The following ATP6V0A4 variants were observed in gnomAD, a reference collection of about 807,000 sequenced individuals.
The protein encoded by ATP6V0A4 is ATPase H+ transporting V0 subunit a4, also known as V-type proton ATPase 116 kDa subunit a 4.
A neutral mutation model predicts 107.3 loss-of-function variants in ATP6V0A4; 86 were observed. The observed-to-expected ratio is 0.80, with a 90% CI of 0.67 to 0.96. The LOEUF (loss-of-function observed/expected upper bound fraction) is 0.96, where lower values mean the gene tolerates loss of function less well. Among genes scored for constraint, ATP6V0A4 ranks in the 40% least tolerant of loss-of-function variants. The probability of loss-of-function intolerance (pLI) is 0.00; values close to 1 mark genes in which losing one functional copy is unlikely to be tolerated. For synonymous variants in ATP6V0A4, 353 were observed against 381.4 expected (o/e 0.93, Z 0.87); for missense variants, 908 against 1,045.6 (o/e 0.87, Z 1.81).
chr7:138,729,006 A>G lies in ATP6V0A4; in HGVS notation c.1909-144T>C. 2.0e-6 allele frequency: 3 copies of G among 1,512,038 alleles called. No homozygotes were observed. In the South Asian group the frequency reaches 3.6e-5, roughly 18 times the overall value. 93.7% of individuals were successfully genotyped at this position (1,512,038 alleles called of 1,614,324 possible). ...CATTTCAATGAATCCATTCACCTTCACGCCTGGAATATTCCCCTTGCAGAT... is the reference window on the plus strand; with the variant it reads ...CATTTCAATGAATCCATTCACCTTCGCGCCTGGAATATTCCCCTTGCAGAT... On this transcript the variant is annotated intron_variant, in intron 17 of 21. Transcript: ENST00000310018.
chr7:138,798,016 A>G lies in ATP6V0A4; in HGVS notation c.-121+18T>C. 1.9e-6 allele frequency: 3 copies of G among 1,550,280 alleles called. No homozygotes were observed. Among genetic ancestry groups the G allele is most frequent in the African/African-American group, 1.4e-5 (1 of 73,152 alleles). On this transcript the variant is annotated intron_variant, in intron 1 of 21. Transcript: ENST00000310018. ...GGCAGAGTTGCTTTCCAGCTCCTGC[A>G]GGTGGGAGTCGACTCACCTGCAGCA...
At chr7:138,707,268 T>A (rs866959582) in intron 21 of ATP6V0A4, among the ~76,000 whole-genome samples, 962 of 87,672 alleles carry the variant, frequency 0.011, 11 homozygotes, top group African/African-American at 0.03. Context: ...TATATTATAT[T>A]ATATATTCTA....
At chr7:138,775,991 A>G (rs1293179445) in intron 2 of ATP6V0A4, among the ~76,000 whole-genome samples, 1 of 151,910 alleles carries the variant, frequency 6.6e-6, no homozygotes, top group Non-Finnish European at 1.5e-5. Context: ...AAATATGACA[A>G]CATAAAGACA....
intron 13 of ATP6V0A4, 69 bp downstream of exon 13, chr7:138,747,356 G>T: frequency 6.5e-7 from 1 of 1,542,204 alleles, no homozygotes; most frequent in South Asian, 1.1e-5. Flanking sequence ...TTATTTCTAT[G>T]GTGAAAACCA....
chr7:138,785,884 C>T (rs1808156920), intron 2 of ATP6V0A4, among the ~76,000 whole-genome samples: 1 of 152,202 alleles, frequency 6.6e-6, no homozygotes, highest in South Asian at 2.1e-4. Context: ...CACATTTCCA[C>T]TTCCTCCTGG....
Position 138,706,837 on chromosome 7 carries a change from G to A in ATP6V0A4, c.2430-120C>T. ...CGTAAAATCAAGCACAAAGTCAGAA[G>A]GGTTGGCCACGGCAGGCACCCAGGC... On this transcript the variant is annotated intron_variant, in intron 21 of 21. Coordinates refer to ENST00000310018, the MANE Select transcript of ATP6V0A4 (RefSeq NM_020632.3). 2.0e-6 allele frequency: 3 copies of A among 1,522,502 alleles called. No homozygotes were observed. The Admixed American group carries it at 5.8e-5, about 29-fold the overall frequency. The allele number at this position is 1,522,502 out of a possible 1,614,324, so 94.3% of individuals were successfully genotyped here. A position where few individuals can be genotyped will look rare whatever the true frequency, so the allele number is the denominator to read the frequency against.
In ATP6V0A4 at chr7:138,797,869, T is replaced by C. The variant is rs971318001; in HGVS notation, c.-121+165A>G. ...GAGAAGGGCACAGCTTGCCCCTCCCTTCCTTCCTCAGCCAACGGTTTGGCT... is the reference window on the plus strand; with the variant it reads ...GAGAAGGGCACAGCTTGCCCCTCCCCTCCTTCCTCAGCCAACGGTTTGGCT... On this transcript the variant is annotated intron_variant, in intron 1 of 21. Transcript: ENST00000310018. 4.0e-5 allele frequency: 38 copies of C among 954,784 alleles called. No individual in the cohort carries two copies. The African/African-American group carries it at 5.7e-4, about 14-fold the overall frequency. The allele number at this position is 954,784 out of a possible 1,614,324, so 59.1% of individuals were successfully genotyped here.
At chr7:138,782,157 A>G (rs1807956253) in intron 2 of ATP6V0A4, among the ~76,000 whole-genome samples, 1 of 152,186 alleles carries the variant, frequency 6.6e-6, no homozygotes, top group Admixed American at 6.5e-5. Flanking sequence ...GAAGTCTGAA[A>G]TCAAGATGCC....
intron 8 of ATP6V0A4, 43 bp downstream of exon 8, chr7:138,759,709 A>T: frequency 6.2e-7 from 1 of 1,605,048 alleles, no homozygotes; most frequent in South Asian, 1.1e-5. Flanking sequence ...GCTGAGGGCT[A>T]TGGGAAGTCT....
chr7:138,771,716 C>T (rs369319473), intron 2 of ATP6V0A4, among the ~76,000 whole-genome samples: 6 of 152,270 alleles, frequency 3.9e-5, no homozygotes, highest in African/African-American at 1.4e-4. Context: ...ACCTCCTGGG[C>T]TCAAGAGATC....
chr7:138,798,181 C>T lies in ATP6V0A4; in HGVS notation c.-268G>A, dbSNP rs759335247. 40 of 1,590,112 alleles carry T rather than the reference C, an allele frequency of 2.5e-5. No individual in the cohort carries two copies. The highest frequency in any genetic ancestry group is 2.0e-4 in the Admixed American group (11 of 55,608). ...TTTGCCTCCCTCCACTCGGCTTGCTCGGCAGGTAGCGTTATGAGCTTTATT... is the reference window on the plus strand; with the variant it reads ...TTTGCCTCCCTCCACTCGGCTTGCTTGGCAGGTAGCGTTATGAGCTTTATT... On this transcript the variant is annotated 5_prime_UTR_variant, in exon 1 of 22. Coordinates refer to ENST00000310018, the MANE Select transcript of ATP6V0A4 (RefSeq NM_020632.3).
chr7:138,746,361 C>G (rs1446707417), intron 13 of ATP6V0A4, among the ~76,000 whole-genome samples: 1 of 152,050 alleles, frequency 6.6e-6, no homozygotes, highest in East Asian at 1.9e-4. Context: ...ACGTGTAACT[C>G]TGAAACTCAA....
chr7:138,750,483 G>A (rs1216875575), intron 11 of ATP6V0A4, among the ~76,000 whole-genome samples: 2 of 152,142 alleles, frequency 1.3e-5, no homozygotes, highest in African/African-American at 4.8e-5. Context: ...TGGTATTACA[G>A]GCGTGAGCCA....
intron 1 of ATP6V0A4, among the ~76,000 whole-genome samples, chr7:138,790,907 G>A (rs545899107): frequency 6.6e-6 from 1 of 152,224 alleles, no homozygotes; most frequent in Admixed American, 6.5e-5. Flanking sequence ...ATTATCCTGG[G>A]TCTCAAGTTA....
At chr7:138,709,410 ATGAG>A (rs897206024) in intron 21 of ATP6V0A4, among the ~76,000 whole-genome samples, 3 of 151,940 alleles carry the variant, frequency 2.0e-5, no homozygotes, top group Non-Finnish European at 2.9e-5. Context: ...ATAAGTATGA[ATGAG>A]TGTGTGTGTA....
intron 15 of ATP6V0A4, among the ~76,000 whole-genome samples, chr7:138,736,866 C>T (rs996380814): frequency 9.2e-5 from 14 of 151,774 alleles, no homozygotes; most frequent in Middle Eastern, 3.2e-3. Flanking sequence ...CCATCGCGCC[C>T]GGCCTAGGGC....
chr7:138,789,968 CAAAAAAAAAAA>C (rs34413519), intron 1 of ATP6V0A4, among the ~76,000 whole-genome samples: 4 of 126,832 alleles, frequency 3.2e-5, no homozygotes, highest in African/African-American at 1.1e-4. Flanking sequence ...GACTCTGTCT[CAAAAAAAAAAA>C]AAAAAAAAAA....
At chr7:138,761,761 C>A (rs1023689222) in intron 7 of ATP6V0A4, among the ~76,000 whole-genome samples, 3 of 152,260 alleles carry the variant, frequency 2.0e-5, no homozygotes, top group Middle Eastern at 3.4e-3. Flanking sequence ...CTCACTGCAA[C>A]CTCTACCTCC....
chr7:138,758,576 T>G (rs1806622092), intron 8 of ATP6V0A4, among the ~76,000 whole-genome samples: 1 of 152,022 alleles, frequency 6.6e-6, no homozygotes, highest in Admixed American at 6.6e-5. Flanking sequence ...GACAGCAACA[T>G]CCGACAGAAT....
Sources: gnomAD v4.1 joint callset for allele counts (sites outside exome capture counted in the v4.1 genomes callset) on GRCh38, gnomAD v4.1.1 for gene constraint, MANE v1.5 for transcripts, NCBI Gene and HGNC (gene_info 2026-07-23, HGNC 2026-07-21) for gene names.